The following ATXN1 variants were observed in gnomAD, a reference collection of about 807,000 sequenced individuals.
The protein encoded by ATXN1 is ataxin 1.
ATXN1 carries 8 observed loss-of-function variants against 56.4 expected under a neutral mutation model. That is an observed-to-expected ratio of 0.14 (90% confidence interval 0.08 to 0.26). The LOEUF (loss-of-function observed/expected upper bound fraction) is 0.26. ATXN1 is among the 10% of genes least tolerant of loss of function. ATXN1 has a pLI of 1.00. For synonymous variants in ATXN1, 514 were observed against 494.6 expected, an observed-to-expected ratio of 1.04 and a Z score of -0.52; for missense variants, 987 against 1,106.5, an observed-to-expected ratio of 0.89 and a Z score of 1.53.
Position 16,302,573 on chromosome 6 carries a change from ATAATTCT to A in ATXN1, c.*3749_*3755del, listed in dbSNP as rs1206243193. 2.0e-5 allele frequency: 3 copies of A among 152,632 alleles called. No individual in the cohort carries two copies. Among genetic ancestry groups the A allele is most frequent in the Non-Finnish European group, 4.4e-5 (3 of 68,044 alleles). 9.5% of individuals were successfully genotyped at this position (152,632 alleles called of 1,614,324 possible). On this transcript the variant is annotated 3_prime_UTR_variant, in exon 8 of 8. Transcript: ENST00000436367. ...CCCAGTGTGGCCCAGACAAACTGAAATAATTCTTAAGTTAAACATTCTAAGGAACAGT... is the reference window on the plus strand; with the variant it reads ...CCCAGTGTGGCCCAGACAAACTGAAATAAGTTAAACATTCTAAGGAACAGT...
At chr6:16,738,440 T>C (rs780627705) in intron 2 of ATXN1, 1 of 152,158 alleles carries the variant, frequency 6.6e-6, no homozygotes, top group Admixed American at 6.5e-5. Context: ...GGAGCCATCA[T>C]GAGGAGAAGA....
chr6:16,605,114 G>A (rs1027439290), intron 3 of ATXN1, among the ~76,000 whole-genome samples: 6 of 152,166 alleles, frequency 3.9e-5, no homozygotes, highest in East Asian at 3.8e-4. Context: ...AGTCTTTTAC[G>A]TGAACTGCTT....
intron 5 of ATXN1, among the ~76,000 whole-genome samples, chr6:16,499,880 G>T (rs1760850274): frequency 6.6e-6 from 1 of 152,142 alleles, no homozygotes; most frequent in South Asian, 2.1e-4. Flanking sequence ...CTCCAACTTG[G>T]CTACACATTG....
chr6:16,670,967 C>A (rs1317776744), intron 2 of ATXN1, among the ~76,000 whole-genome samples: 1 of 152,168 alleles, frequency 6.6e-6, no homozygotes, highest in Non-Finnish European at 1.5e-5. Context: ...TACAAACCAT[C>A]CTCATTACAG....
At chr6:16,348,475 G>A (rs1291840232) in intron 6 of ATXN1, among the ~76,000 whole-genome samples, 1 of 152,124 alleles carries the variant, frequency 6.6e-6, no homozygotes, top group African/African-American at 2.4e-5. Context: ...AGGGGGGGCA[G>A]ATCATGTGAG....
intron 2 of ATXN1, among the ~76,000 whole-genome samples, chr6:16,662,916 G>C (rs1758348574): frequency 6.6e-6 from 1 of 151,500 alleles, no homozygotes; most frequent in Non-Finnish European, 1.5e-5. Context: ...CTACTCAGTG[G>C]TAAGGAAAAG....
At position 16,327,316 on chromosome 6, in the gene ATXN1, C is replaced by T. The variant is rs201023487; in HGVS notation, c.995G>A (p.Arg332Gln). The change falls in exon 7 of 8, where the codon CGG becomes CAG. Residue 332 changes from arginine to glutamine, a missense_variant. Around this residue, in one of 3 missense-constraint regions of ATXN1, gnomAD observed 723 missense variants for 791.7 expected, o/e 0.91. Transcript: ENST00000436367. ...GGCTGAGGACGGGGCCCCGTACCGC[C>T]GGCTCTTCTCCATCTCACCGTTCAG... ...EVLNGEMEKSRRYGAPSSADL... is the reference protein window; with the variant it reads ...EVLNGEMEKSQRYGAPSSADL... The T allele has an allele frequency of 1.9e-5, 31 of 1,613,034 alleles. No homozygotes were observed. Among genetic ancestry groups the T allele is most frequent in the African/African-American group, 5.3e-5 (4 of 74,930 alleles).
chr6:16,476,880 T>C (rs9477140), intron 6 of ATXN1, among the ~76,000 whole-genome samples: 35,416 of 152,178 alleles, frequency 0.23, 4,305 homozygotes, highest in Admixed American at 0.32. Context: ...CAAAACGTGC[T>C]AGAAATGGTC....
chr6:16,749,707 G>A (rs763533806), intron 2 of ATXN1, among the ~76,000 whole-genome samples: 2 of 152,036 alleles, frequency 1.3e-5, no homozygotes, highest in Non-Finnish European at 2.9e-5. Flanking sequence ...GCTACTCTCC[G>A]CTGCCTCTTA....
In ATXN1 at chr6:16,327,666, C is replaced by CTGATGCTGA. The variant is rs758319764; in HGVS notation, c.644_645insTCAGCATCA (p.Gln214_Gln215insHisGlnHis). On this transcript the variant is annotated inframe_insertion, in exon 7 of 8. Coordinates refer to ENST00000436367, the MANE Select transcript of ATXN1 (RefSeq NM_001128164.2). ...GCTGCTGCTGCTGCTGCTGCTGCTG[C>CTGATGCTGA]TGCTGCTGCTGATGCTGATGCTGCT... The CTGATGCTGA allele has an allele frequency of 1.8e-5, 28 of 1,528,876 alleles. No homozygotes were observed. The South Asian group carries it at 2.5e-4, about 13-fold the overall frequency. 94.7% of individuals were successfully genotyped at this position (1,528,876 alleles called of 1,614,324 possible). A position where few individuals can be genotyped will look rare whatever the true frequency, so the allele number is the denominator to read the frequency against.
chr6:16,356,204 G>C (rs1000894903), intron 6 of ATXN1, among the ~76,000 whole-genome samples: 2 of 152,122 alleles, frequency 1.3e-5, no homozygotes, highest in Non-Finnish European at 2.9e-5. Context: ...TACATTTCCT[G>C]CCCACGGCAC....
At chr6:16,375,539 T>G (rs1321893974) in intron 6 of ATXN1, among the ~76,000 whole-genome samples, 1 of 152,176 alleles carries the variant, frequency 6.6e-6, no homozygotes, top group Non-Finnish European at 1.5e-5. Flanking sequence ...ATAATCACAG[T>G]AGTTTCTGGG....
chr6:16,605,305 A>T (rs540014841), intron 3 of ATXN1, among the ~76,000 whole-genome samples: 3 of 152,288 alleles, frequency 2.0e-5, no homozygotes, highest in Non-Finnish European at 4.4e-5. Context: ...ATGGACCTTG[A>T]GGAGATCCCT....
intron 6 of ATXN1, among the ~76,000 whole-genome samples, chr6:16,393,843 T>C (rs967242756): frequency 6.6e-6 from 1 of 152,042 alleles, no homozygotes; most frequent in African/African-American, 2.4e-5. Flanking sequence ...CAGTGAAATC[T>C]TGTCTGTATT....
chr6:16,431,262 T>C (rs1759278457), intron 6 of ATXN1, among the ~76,000 whole-genome samples: 1 of 152,156 alleles, frequency 6.6e-6, no homozygotes, highest in Non-Finnish European at 1.5e-5. Flanking sequence ...CTAAAAAATA[T>C]ACATCTCTTT....
At chr6:16,433,512 T>C (rs1216979500) in intron 6 of ATXN1, among the ~76,000 whole-genome samples, 2 of 152,176 alleles carry the variant, frequency 1.3e-5, no homozygotes, top group African/African-American at 4.8e-5. Flanking sequence ...AAGAGAGATG[T>C]CCCTCCTGGT....
chr6:16,551,923 A>G (rs1202346168), intron 4 of ATXN1, among the ~76,000 whole-genome samples: 1 of 152,232 alleles, frequency 6.6e-6, no homozygotes, highest in Non-Finnish European at 1.5e-5. Context: ...GAGCAAAAAG[A>G]GGAGCGTCTT....
At chr6:16,432,887 A>T (rs1304167207) in intron 6 of ATXN1, 1 of 152,164 alleles carries the variant, frequency 6.6e-6, no homozygotes, top group South Asian at 2.1e-4. Context: ...TCAATCTCTC[A>T]AAACTAATGT....
At chr6:16,492,005 A>G (rs1416618366) in intron 5 of ATXN1, among the ~76,000 whole-genome samples, 1 of 152,100 alleles carries the variant, frequency 6.6e-6, no homozygotes, top group Non-Finnish European at 1.5e-5. Context: ...AATACAAAAA[A>G]CCATGTGAGC....
Sources: allele counts gnomAD v4.1 joint callset (sites outside exome capture counted in the v4.1 genomes callset), GRCh38; gene constraint gnomAD v4.1.1; regional missense constraint gnomAD v4.1.1; transcripts MANE v1.5; gene names NCBI Gene and HGNC (gene_info 2026-07-23, HGNC 2026-07-21).